Variants in SV2C observed in about 807,000 individuals in gnomAD.
The protein encoded by SV2C is synaptic vesicle glycoprotein 2C.
A neutral mutation model predicts 79.7 loss-of-function variants in SV2C; 49 were observed. The observed-to-expected ratio is 0.61, with a 90% CI of 0.49 to 0.78. The LOEUF is 0.78. SV2C is among the 30% of genes least tolerant of loss of function. The pLI is 0.00. For synonymous variants in SV2C, 334 were observed against 333.2 expected, an observed-to-expected ratio of 1.00 and a Z score of -0.03; for missense variants, 833 against 912.9, an observed-to-expected ratio of 0.91 and a Z score of 1.13.
the SV2C span, among the ~76,000 whole-genome samples, chr5:76,045,289 A>G: frequency 2.6e-5 from 4 of 152,212 alleles, no homozygotes; most frequent in Non-Finnish European, 5.9e-5. Flanking sequence ...TTTTTCTACC[A>G]GTACCGTGCT....
At chr5:75,873,348 A>G in the SV2C span, among the ~76,000 whole-genome samples, 2 of 152,112 alleles carry the variant, frequency 1.3e-5, no homozygotes, top group African/African-American at 4.8e-5. Context: ...ATTTAATTTC[A>G]TTAGAATAAA....
Position 76,131,865 on chromosome 5 carries a change from G to A in SV2C, c.115G>A (p.Asp39Asn), listed in dbSNP as rs200148632. Residue 39 changes from aspartate to asparagine, a missense_variant, in exon 2 of 13, where the codon GAT becomes AAT. Coordinates refer to ENST00000502798, the MANE Select transcript of SV2C (RefSeq NM_014979.4). ...GAATCAAGCTGTGGACCGAGCCCAG[G>A]ATGAATACACCCAGAGGTCCTACAG... ...KVNQAVDRAQ[D>N]EYTQRSYSRF... The A allele has an allele frequency of 6.2e-7, 1 of 1,613,948 alleles. No individual in the cohort carries two copies. Among genetic ancestry groups the A allele is most frequent in the Non-Finnish European group, 8.5e-7 (1 of 1,180,006 alleles).
the SV2C span, among the ~76,000 whole-genome samples, chr5:75,948,618 T>C: frequency 5.3e-5 from 8 of 152,082 alleles, no homozygotes; most frequent in Non-Finnish European, 1.2e-4. Flanking sequence ...AGGGAGGGCT[T>C]ATTTGATAAG....
At chr5:76,250,325 T>G (rs1265881924) in intron 4 of SV2C, among the ~76,000 whole-genome samples, 1 of 152,210 alleles carries the variant, frequency 6.6e-6, no homozygotes, top group Non-Finnish European at 1.5e-5. Context: ...AAAAAATACT[T>G]TATATTTTTA....
At chr5:76,008,981 G>C in the SV2C span, among the ~76,000 whole-genome samples, 2 of 152,062 alleles carry the variant, frequency 1.3e-5, no homozygotes, top group African/African-American at 4.8e-5. Flanking sequence ...CTGTCCCCCA[G>C]AGATCTCCAT....
chr5:76,136,528 T>C (rs1215500867), intron 2 of SV2C, among the ~76,000 whole-genome samples: 1 of 145,286 alleles, frequency 6.9e-6, no homozygotes, highest in Non-Finnish European at 1.5e-5. Context: ...TAGTGCTTTA[T>C]GTTTTTTTTT....
intron 12 of SV2C, among the ~76,000 whole-genome samples, chr5:76,319,976 G>A (rs565595136): frequency 4.1e-4 from 62 of 152,032 alleles, no homozygotes; most frequent in Non-Finnish European, 6.8e-4. Context: ...CATATATCTG[G>A]TCATTTATGA....
intron 2 of SV2C, among the ~76,000 whole-genome samples, chr5:76,140,853 G>T (rs1164727487): frequency 2.0e-5 from 3 of 152,068 alleles, no homozygotes; most frequent in Admixed American, 6.6e-5. Context: ...TACCTCTCAT[G>T]GAACTTTATT....
At chr5:76,258,598 A>G (rs1040166031) in intron 4 of SV2C, among the ~76,000 whole-genome samples, 2 of 152,192 alleles carry the variant, frequency 1.3e-5, no homozygotes, top group African/African-American at 4.8e-5. Context: ...TAGTTTATAA[A>G]GTGTCTATGC....
At chr5:76,099,012 T>TG (rs1316598849) in intron 1 of SV2C, among the ~76,000 whole-genome samples, 2 of 152,182 alleles carry the variant, frequency 1.3e-5, no homozygotes, top group Admixed American at 6.5e-5. Context: ...CTCCCAGCTT[T>TG]GGGGCATTAT....
Position 76,332,646 on chromosome 5 carries a change from AGTGACAGTATTTTT to A in SV2C, c.*7102_*7115del, listed in dbSNP as rs1480235698. ...GTATACTACTACACACACCTTCCCA[AGTGACAGTATTTTT>A]GTAGTTTGAGATCAGCTATAGTGGT... On this transcript the variant is annotated 3_prime_UTR_variant, in exon 13 of 13. Coordinates refer to ENST00000502798, the MANE Select transcript of SV2C (RefSeq NM_014979.4). 6.6e-6 allele frequency: 1 copy of A among 152,098 alleles called. No individual in the cohort carries two copies. Among genetic ancestry groups the A allele is most frequent in the Non-Finnish European group, 1.5e-5 (1 of 68,028 alleles). The allele number at this position is 152,098 out of a possible 1,614,324, so 9.4% of individuals were successfully genotyped here. A position where few individuals can be genotyped will look rare whatever the true frequency, so the allele number is the denominator to read the frequency against.
At position 76,331,649 on chromosome 5, in the gene SV2C, C is replaced by T. The variant is rs1467092727; in HGVS notation, c.*6102C>T. On this transcript the variant is annotated 3_prime_UTR_variant, in exon 13 of 13. Transcript: ENST00000502798. ...TCTTACCTCCTCAGGGCAGTGCCCA[C>T]TCATTTCCTTTATTTCCCTTTTGTT... 1 of 152,314 alleles carries T rather than the reference C, an allele frequency of 6.6e-6. No homozygotes were observed. Among genetic ancestry groups the T allele is most frequent in the Non-Finnish European group, 1.5e-5 (1 of 68,138 alleles). 9.4% of individuals were successfully genotyped at this position (152,314 alleles called of 1,614,324 possible).
chr5:76,021,036 T>A, the SV2C span, among the ~76,000 whole-genome samples: 43 of 152,310 alleles, frequency 2.8e-4, no homozygotes, highest in South Asian at 8.1e-3. Context: ...ATTTAGTTAA[T>A]ACACAGGCAG....
rs1746033283 is a variant in SV2C, at chr5:76,249,063, TA to T, written c.914-36094del. The stretch of plus-strand genomic sequence containing the variant: ...TCAGAGAAAATAGCAATCAGTTTTT[TA>T]AAAATATTTATATCCTTAATAAACC... On this transcript the variant is annotated intron_variant, in intron 4 of 12. Coordinates refer to ENST00000502798, the MANE Select transcript of SV2C (RefSeq NM_014979.4). 3.9e-5 allele frequency among the ~76,000 whole-genome samples: 6 copies of T among 152,206 alleles called. No homozygotes were observed. The South Asian group carries it at 1.2e-3, about 32-fold the overall frequency.
the SV2C span, among the ~76,000 whole-genome samples, chr5:75,968,471 A>G: frequency 1.2e-3 from 183 of 152,370 alleles, no homozygotes; most frequent in Non-Finnish European, 2.4e-3. Flanking sequence ...CAATGCAGAG[A>G]AGTCCTCAAA....
chr5:76,017,492 T>C, the SV2C span, among the ~76,000 whole-genome samples: 344 of 152,268 alleles, frequency 2.3e-3, 3 homozygotes, highest in African/African-American at 8.0e-3. Flanking sequence ...TTCACCAGGC[T>C]GGTCTCAAAC....
the SV2C span, among the ~76,000 whole-genome samples, chr5:75,984,536 C>CCTATCTATCTAT: frequency 0.019 from 2,684 of 145,028 alleles, 57 homozygotes; most frequent in African/African-American, 0.042. Flanking sequence ...GATCTATCTG[C>CCTATCTATCTAT]CTATCTATCT....
chr5:76,180,397 T>C (rs34584178), intron 2 of SV2C, among the ~76,000 whole-genome samples: 2,456 of 152,340 alleles, frequency 0.016, 43 homozygotes, highest in Non-Finnish European at 0.024. Flanking sequence ...AGTAGCACTT[T>C]TCTTCCAAAA....
chr5:76,049,024 A>AAAGAAAGAAAGGG, the SV2C span, among the ~76,000 whole-genome samples: 1 of 120,520 alleles, frequency 8.3e-6, no homozygotes, highest in Admixed American at 8.5e-5. Flanking sequence ...AGAAAGAAAG[A>AAAGAAAGAAAGGG]AAAAGAAAAG....
Sources: allele counts gnomAD v4.1 joint callset (sites outside exome capture counted in the v4.1 genomes callset), GRCh38; gene constraint gnomAD v4.1.1; transcripts MANE v1.5; gene names NCBI Gene and HGNC (gene_info 2026-07-23, HGNC 2026-07-21).